Variants in EPHA6 observed in about 807,000 individuals in gnomAD.
EPHA6 encodes the protein EPH receptor A6.
In EPHA6, 50 loss-of-function variants were observed where a neutral mutation model predicts 112.0. The ratio of observed to expected loss-of-function variants is 0.45; its 90% CI spans 0.36 to 0.56. The LOEUF (loss-of-function observed/expected upper bound fraction) is 0.56. Ranked by LOEUF, EPHA6 falls within the 20% of genes least tolerant of loss-of-function variation. The pLI, the probability that EPHA6 is intolerant of heterozygous loss-of-function variation, is 0.00. For synonymous variants in EPHA6, 529 were observed against 490.7 expected (o/e 1.08, Z -1.03); for missense variants, 1,280 against 1,417.4 (o/e 0.90, Z 1.56).
chr3:96,938,183 A>G (rs1303389508), intron 2 of EPHA6, among the ~76,000 whole-genome samples: 27 of 152,100 alleles, frequency 1.8e-4, no homozygotes, highest in African/African-American at 6.0e-4. Flanking sequence ...CATTGAATCT[A>G]TAAATTACCT....
intron 15 of EPHA6, among the ~76,000 whole-genome samples, chr3:97,733,226 C>T (rs1276309067): frequency 6.6e-6 from 1 of 152,048 alleles, no homozygotes; most frequent in African/African-American, 2.4e-5. Context: ...AATAGTAACC[C>T]TGTGGACAGG....
chr3:96,961,200 G>C (rs1210365996), intron 2 of EPHA6, among the ~76,000 whole-genome samples: 3 of 152,250 alleles, frequency 2.0e-5, no homozygotes, highest in Non-Finnish European at 4.4e-5. Context: ...CCTTTAGCAA[G>C]AGTGATTGAG....
At chr3:97,166,767 T>C (rs2076553164) in intron 3 of EPHA6, among the ~76,000 whole-genome samples, 1 of 152,152 alleles carries the variant, frequency 6.6e-6, no homozygotes, top group Non-Finnish European at 1.5e-5. Flanking sequence ...GCTGTATAAG[T>C]ACTGCTGATC....
At chr3:97,344,245 T>C (rs2083438877) in intron 5 of EPHA6, among the ~76,000 whole-genome samples, 1 of 152,168 alleles carries the variant, frequency 6.6e-6, no homozygotes, top group Non-Finnish European at 1.5e-5. Flanking sequence ...GTGTGTGTTT[T>C]TTATATCTGA....
At chr3:96,958,185 G>A (rs1355111041) in intron 2 of EPHA6, among the ~76,000 whole-genome samples, 1 of 152,010 alleles carries the variant, frequency 6.6e-6, no homozygotes, top group Non-Finnish European at 1.5e-5. Flanking sequence ...AGCTACTTGG[G>A]TGGCTGAGGC....
At chr3:96,877,877 A>T (rs1156972386) in intron 2 of EPHA6, among the ~76,000 whole-genome samples, 1 of 150,896 alleles carries the variant, frequency 6.6e-6, no homozygotes, top group Non-Finnish European at 1.5e-5. Context: ...AAAAGCATGG[A>T]GTTAGGATTT....
intron 5 of EPHA6, among the ~76,000 whole-genome samples, chr3:97,265,104 C>T (rs2079630766): frequency 6.6e-6 from 1 of 152,160 alleles, no homozygotes; most frequent in Non-Finnish European, 1.5e-5. Flanking sequence ...TTTGCTCTGG[C>T]TAACCCTGGG....
intron 11 of EPHA6, among the ~76,000 whole-genome samples, chr3:97,545,286 A>G (rs966657207): frequency 2.6e-5 from 4 of 152,134 alleles, no homozygotes; most frequent in East Asian, 3.8e-4. Context: ...GTTGGTTTCA[A>G]AGAACATCTT....
chr3:97,415,932 A>C (rs532025833), intron 6 of EPHA6, among the ~76,000 whole-genome samples: 1 of 152,176 alleles, frequency 6.6e-6, no homozygotes, highest in Non-Finnish European at 1.5e-5. Context: ...GTTTTGCTTC[A>C]GAAAAAAATC....
chr3:97,484,129 T>C (rs2091638066), intron 10 of EPHA6, 70 bp downstream of exon 10: 3 of 1,432,428 alleles, frequency 2.1e-6, no homozygotes, highest in African/African-American at 1.4e-5. Flanking sequence ...ATCAACATAC[T>C]ATCTTAAATC....
intron 2 of EPHA6, among the ~76,000 whole-genome samples, chr3:96,893,335 G>A (rs1248239299): frequency 6.6e-6 from 1 of 152,044 alleles, no homozygotes; most frequent in African/African-American, 2.4e-5. Flanking sequence ...ATGTTATGTG[G>A]ACAGATGCCT....
rs183729469 is a variant in EPHA6, at chr3:96,992,927, A to G, written c.1114+4934A>G. 9.9e-5 allele frequency among the ~76,000 whole-genome samples: 15 copies of G among 152,214 alleles called. 1 individual carries two copies. The highest frequency in any genetic ancestry group is 3.6e-4 in the African/African-American group (15 of 41,544). On this transcript the variant is annotated intron_variant, in intron 3 of 17. Transcript: ENST00000389672. Reference sequence around the variant, plus strand: ...TCTCCTCTGTGCTACAATTTGTGCTAATTATTTGTGTATCTGTTTCACTAG... The same window carrying G: ...TCTCCTCTGTGCTACAATTTGTGCTGATTATTTGTGTATCTGTTTCACTAG...
In EPHA6 at chr3:97,752,606, C is replaced by T; in HGVS notation, c.*3905C>T. ...AGACTTTTTTAGAAGAGGCTTGGGG[C>T]AGGGGGATGTTGCAAAAGCTATAAT... is the stretch of plus-strand genomic sequence containing the variant. On this transcript the variant is annotated 3_prime_UTR_variant, in exon 18 of 18. Coordinates refer to ENST00000389672, the MANE Select transcript of EPHA6 (RefSeq NM_001080448.3). 4.6e-6 allele frequency: 1 copy of T among 216,678 alleles called. No homozygotes were observed. The highest frequency in any genetic ancestry group is 9.3e-6 in the Non-Finnish European group (1 of 107,558). 13.4% of individuals were successfully genotyped at this position (216,678 alleles called of 1,614,324 possible). A position where few individuals can be genotyped will look rare whatever the true frequency, so the allele number is the denominator to read the frequency against.
At chr3:97,584,255 G>A (rs1256083381) in intron 11 of EPHA6, among the ~76,000 whole-genome samples, 1 of 152,124 alleles carries the variant, frequency 6.6e-6, no homozygotes, top group East Asian at 1.9e-4. Flanking sequence ...CTGGGACTGA[G>A]CATGTCAAGG....
At chr3:97,332,138 CA>C (rs1241566490) in intron 5 of EPHA6, among the ~76,000 whole-genome samples, 1 of 152,112 alleles carries the variant, frequency 6.6e-6, no homozygotes, top group East Asian at 1.9e-4. Context: ...AGCATATAAA[CA>C]GAACCAAAGA....
At chr3:97,453,156 A>C (rs2090581609) in intron 7 of EPHA6, among the ~76,000 whole-genome samples, 1 of 151,792 alleles carries the variant, frequency 6.6e-6, no homozygotes, top group South Asian at 2.1e-4. Flanking sequence ...AACCAAAATA[A>C]AATGTATTCT....
chr3:97,420,266 T>A (rs1261070166), intron 6 of EPHA6, among the ~76,000 whole-genome samples: 1 of 151,504 alleles, frequency 6.6e-6, no homozygotes, highest in Non-Finnish European at 1.5e-5. Context: ...ATCATTCCAT[T>A]CAATAAACTG....
At chr3:97,329,159 T>C (rs1416738489) in intron 5 of EPHA6, among the ~76,000 whole-genome samples, 9 of 152,154 alleles carry the variant, frequency 5.9e-5, no homozygotes, top group Admixed American at 2.0e-4. Flanking sequence ...TCCTTTTTTA[T>C]GGCTGCATAG....
At position 97,758,345 on chromosome 3, in the gene EPHA6, A is replaced by T. The variant is rs1038153404; in HGVS notation, c.*9644A>T. Among the ~76,000 whole-genome samples, 1 of 151,620 alleles carries T rather than the reference A, an allele frequency of 6.6e-6. No homozygotes were observed. The highest frequency in any genetic ancestry group is 2.4e-5 in the African/African-American group (1 of 41,056). ...CTTAGTGTTTACCTCTTTAAACTAT[A>T]TAACAAATATAACCGTAGCAACAAC... On this transcript the variant is annotated 3_prime_UTR_variant, in exon 18 of 18. Coordinates refer to ENST00000389672, the MANE Select transcript of EPHA6 (RefSeq NM_001080448.3).
Sources: allele counts gnomAD v4.1 joint callset (sites outside exome capture counted in the v4.1 genomes callset), GRCh38; gene constraint gnomAD v4.1.1; transcripts MANE v1.5; gene names NCBI Gene and HGNC (gene_info 2026-07-23, HGNC 2026-07-21).